Variants in RBFOX1 observed in about 807,000 individuals in gnomAD.
RBFOX1 encodes the protein RNA binding fox-1 homolog 1.
In RBFOX1, 8 loss-of-function variants were observed where a neutral mutation model predicts 57.7. The ratio of observed to expected loss-of-function variants is 0.14; its 90% CI spans 0.08 to 0.25. RBFOX1 has a LOEUF of 0.25. RBFOX1 is among the 10% of genes least tolerant of loss of function. The pLI, the probability that RBFOX1 is intolerant of heterozygous loss-of-function variation, is 1.00. For missense variants in RBFOX1, 611 were observed against 548.5 expected (o/e 1.11, Z -1.14); for synonymous variants, 326 against 222.4 (o/e 1.47, Z -4.15).
chr16:7,184,531 C>T (rs1011390135), intron 4 of RBFOX1, among the ~76,000 whole-genome samples: 2 of 152,182 alleles, frequency 1.3e-5, no homozygotes, highest in African/African-American at 4.8e-5. Flanking sequence ...AAAAGTTAGC[C>T]AAGTGATTGA....
chr16:6,984,093 C>T (rs986831228), intron 3 of RBFOX1, among the ~76,000 whole-genome samples: 9 of 152,034 alleles, frequency 5.9e-5, no homozygotes, highest in Non-Finnish European at 1.0e-4. Flanking sequence ...ACTAAAAATA[C>T]GAAATTAGCC....
intron 2 of RBFOX1, among the ~76,000 whole-genome samples, chr16:6,386,805 A>C (rs901958197): frequency 1.3e-5 from 2 of 152,230 alleles, no homozygotes; most frequent in Non-Finnish European, 2.9e-5. Context: ...CAGAAATATA[A>C]AGAATTATTC....
chr16:6,284,416 T>C (rs763243593), intron 1 of RBFOX1, among the ~76,000 whole-genome samples: 1 of 152,110 alleles, frequency 6.6e-6, no homozygotes, highest in Non-Finnish European at 1.5e-5. Context: ...CCCTCACATA[T>C]AATATCTGCA....
intron 4 of RBFOX1, among the ~76,000 whole-genome samples, chr16:7,186,358 A>G (rs1430370627): frequency 2.1e-5 from 1 of 47,676 alleles, no homozygotes; most frequent in Non-Finnish European, 3.3e-5. Flanking sequence ...AAACATAAAC[A>G]TATTTATATA....
intron 3 of RBFOX1, among the ~76,000 whole-genome samples, chr16:6,835,610 G>A (rs2093036054): frequency 6.6e-6 from 1 of 151,804 alleles, no homozygotes; most frequent in African/African-American, 2.4e-5. Flanking sequence ...AAAAGTAGCT[G>A]GGCATGGTGG....
chr16:5,427,803 T>C (rs1206962968), intron 1 of RBFOX1, among the ~76,000 whole-genome samples: 2 of 152,166 alleles, frequency 1.3e-5, no homozygotes, highest in Non-Finnish European at 2.9e-5. Flanking sequence ...GTCAACCTGC[T>C]GGACTCAAAG....
At chr16:7,589,992 G>A (rs939243004) in intron 7 of RBFOX1, among the ~76,000 whole-genome samples, 4 of 148,558 alleles carry the variant, frequency 2.7e-5, no homozygotes, top group East Asian at 4.1e-4. Flanking sequence ...AGGGATGGAC[G>A]CAGTGTCTCA....
At chr16:5,777,542 A>G (rs541297844) in intron 3 of RBFOX1, among the ~76,000 whole-genome samples, 1 of 152,322 alleles carries the variant, frequency 6.6e-6, no homozygotes, top group African/African-American at 2.4e-5. Flanking sequence ...ATTGACTTGG[A>G]TGGAAATCTC....
chr16:6,556,198 A>G (rs905864054), intron 2 of RBFOX1, among the ~76,000 whole-genome samples: 3 of 152,194 alleles, frequency 2.0e-5, no homozygotes, highest in Non-Finnish European at 4.4e-5. Context: ...TTCCCGCTGT[A>G]GGAATTGGGT....
chr16:5,635,013 T>G (rs746451765), intron 3 of RBFOX1, among the ~76,000 whole-genome samples: 4 of 152,242 alleles, frequency 2.6e-5, no homozygotes, highest in Admixed American at 6.5e-5. Context: ...GGTCATGTGA[T>G]CAGGGTCAGG....
chr16:5,885,726 T>G (rs185159085), intron 4 of RBFOX1, among the ~76,000 whole-genome samples: 2 of 152,294 alleles, frequency 1.3e-5, no homozygotes, highest in East Asian at 1.9e-4. Flanking sequence ...CTCATCGAGT[T>G]TAGAGGCAGG....
At chr16:5,260,290 A>T (rs937069286) in intron 1 of RBFOX1, among the ~76,000 whole-genome samples, 1 of 152,188 alleles carries the variant, frequency 6.6e-6, no homozygotes, top group African/African-American at 2.4e-5. Flanking sequence ...ACAAAAAGAG[A>T]GAGAAATCAC....
rs190419037 is a variant in RBFOX1, at chr16:7,352,147, G to A, written c.28-166000G>A. 4.4e-3 allele frequency among the ~76,000 whole-genome samples: 666 copies of A among 152,256 alleles called. 5 individuals carry two copies. The highest frequency in any genetic ancestry group is 0.015 in the African/African-American group (605 of 41,530). On this transcript the variant is annotated intron_variant, in intron 4 of 15. Coordinates refer to ENST00000550418, the MANE Select transcript of RBFOX1 (RefSeq NM_018723.4). ...ACCCCACGGCAGAAACATACTAAAG[G>A]ATCTCTGCTCCAGATACAGCCATGG...
intron 2 of RBFOX1, among the ~76,000 whole-genome samples, chr16:6,446,996 A>T (rs1013195900): frequency 1.3e-5 from 2 of 152,194 alleles, no homozygotes; most frequent in African/African-American, 2.4e-5. Context: ...GGAATGAAAA[A>T]TACATTTTCA....
At chr16:7,226,931 A>G (rs903377377) in intron 4 of RBFOX1, among the ~76,000 whole-genome samples, 1 of 152,160 alleles carries the variant, frequency 6.6e-6, no homozygotes, top group Non-Finnish European at 1.5e-5. Context: ...ATATGTATGG[A>G]TGTATTTACA....
chr16:7,118,795 A>G (rs1488492595), intron 4 of RBFOX1, among the ~76,000 whole-genome samples: 1 of 152,186 alleles, frequency 6.6e-6, no homozygotes, highest in Non-Finnish European at 1.5e-5. Flanking sequence ...AGGACAGAAT[A>G]GAAGCATTTA....
chr16:7,181,546 T>C lies in RBFOX1; in HGVS notation c.27+129448T>C, dbSNP rs888758244. Among the ~76,000 whole-genome samples the C allele has an allele frequency of 3.4e-5, 5 of 145,876 alleles. 1 individual carries two copies. In the South Asian group the frequency reaches 6.3e-4, roughly 18 times the overall value. Reference sequence around the variant, plus strand: ...CTTCCCTCCCTTGCTCTCTCTCTCTTTCTCTCATCTCTCTTTCTCTCTTCC... The same window carrying C: ...CTTCCCTCCCTTGCTCTCTCTCTCTCTCTCTCATCTCTCTTTCTCTCTTCC... On this transcript the variant is annotated intron_variant, in intron 4 of 15. Coordinates refer to ENST00000550418, the MANE Select transcript of RBFOX1 (RefSeq NM_018723.4).
chr16:6,812,372 CTTA>C (rs2088899433), intron 3 of RBFOX1, among the ~76,000 whole-genome samples: 2 of 151,642 alleles, frequency 1.3e-5, no homozygotes, highest in Admixed American at 1.3e-4. Flanking sequence ...GGTTCAGTTT[CTTA>C]TTTTTTATTT....
chr16:7,589,388 G>C (rs1436641120), intron 7 of RBFOX1, among the ~76,000 whole-genome samples: 1 of 152,156 alleles, frequency 6.6e-6, no homozygotes, highest in East Asian at 1.9e-4. Context: ...TGGTGATACT[G>C]TTTTTAAGAC....
Sources: allele counts gnomAD v4.1 joint callset (sites outside exome capture counted in the v4.1 genomes callset), GRCh38; gene constraint gnomAD v4.1.1; transcripts MANE v1.5; gene names NCBI Gene and HGNC (gene_info 2026-07-23, HGNC 2026-07-21).